Variants in HDAC9 observed in about 807,000 individuals in gnomAD.
HDAC9 encodes the protein MEF-2 interacting transcription repressor (MITR) protein.
A neutral mutation model predicts 139.4 loss-of-function variants in HDAC9; 41 were observed. The ratio of observed to expected loss-of-function variants is 0.29; its 90% CI spans 0.23 to 0.38. The LOEUF (loss-of-function observed/expected upper bound fraction) is 0.38, where lower values mean the gene tolerates loss of function less well. Ranked by LOEUF, HDAC9 falls within the 10% of genes least tolerant of loss-of-function variation. The pLI is 1.00. For synonymous variants in HDAC9, 517 were observed against 476.2 expected (o/e 1.09, Z -1.12); for missense variants, 1,147 against 1,297.0 (o/e 0.88, Z 1.78).
At chr7:18,937,302 T>A (rs1781712728) in intron 23 of HDAC9, among the ~76,000 whole-genome samples, 1 of 152,094 alleles carries the variant, frequency 6.6e-6, no homozygotes, top group Admixed American at 6.6e-5. Context: ...CCTCCCAAAG[T>A]GCTGGAATTA....
At chr7:18,624,824 G>T (rs1289617081) in intron 6 of HDAC9, among the ~76,000 whole-genome samples, 1 of 151,798 alleles carries the variant, frequency 6.6e-6, no homozygotes, top group African/African-American at 2.4e-5. Context: ...GCATTGCCAG[G>T]ACTAAATGAT....
intron 1 of HDAC9, among the ~76,000 whole-genome samples, chr7:18,309,249 A>G (rs564330572): frequency 6.6e-6 from 1 of 152,254 alleles, no homozygotes; most frequent in Admixed American, 6.5e-5. Context: ...GGACTTTCTA[A>G]TGAGACCTTG....
chr7:18,571,630 AT>A (rs78584198), intron 2 of HDAC9, among the ~76,000 whole-genome samples: 100 of 145,438 alleles, frequency 6.9e-4, no homozygotes, highest in South Asian at 1.7e-3. Context: ...TTTATTTTTT[AT>A]TTTTTTTTTT....
intron 2 of HDAC9, among the ~76,000 whole-genome samples, chr7:18,514,907 G>A (rs565799375): frequency 1.1e-4 from 16 of 152,178 alleles, no homozygotes; most frequent in African/African-American, 2.9e-4. Flanking sequence ...TGATCATGCC[G>A]CTGCACTCTA....
chr7:18,892,555 C>G (rs2129271018), intron 22 of HDAC9: 1 of 152,198 alleles, frequency 6.6e-6, no homozygotes, highest in East Asian at 1.9e-4. Flanking sequence ...CCTCTCTGTC[C>G]TTACCGCTAT....
intron 2 of HDAC9, among the ~76,000 whole-genome samples, chr7:18,509,116 T>A (rs1283113959): frequency 6.6e-6 from 1 of 152,220 alleles, no homozygotes; most frequent in Admixed American, 6.5e-5. Flanking sequence ...TAGGGAACAA[T>A]GGTGGATACA....
chr7:18,314,191 G>T (rs373849256), intron 1 of HDAC9, among the ~76,000 whole-genome samples: 2 of 152,178 alleles, frequency 1.3e-5, no homozygotes, highest in African/African-American at 4.8e-5. Context: ...TGAGACAGAA[G>T]GGAGGGATAT....
intron 1 of HDAC9, among the ~76,000 whole-genome samples, chr7:18,118,969 G>T (rs1784194161): frequency 6.6e-6 from 1 of 152,114 alleles, no homozygotes; most frequent in Non-Finnish European, 1.5e-5. Flanking sequence ...GTCAGCATGG[G>T]GATATCAGAG....
At chr7:18,788,176 G>A (rs1791983097) in intron 16 of HDAC9, among the ~76,000 whole-genome samples, 3 of 152,086 alleles carry the variant, frequency 2.0e-5, no homozygotes, top group African/African-American at 7.2e-5. Context: ...AGCTTGGCAG[G>A]GTTCCCGGGC....
chr7:18,809,472 A>T (rs1221845708), intron 17 of HDAC9, among the ~76,000 whole-genome samples: 2 of 152,060 alleles, frequency 1.3e-5, no homozygotes, highest in African/African-American at 4.8e-5. Context: ...TATATAAGAA[A>T]TTCATACAAC....
intron 21 of HDAC9, among the ~76,000 whole-genome samples, chr7:18,844,322 C>T (rs1796775448): frequency 6.6e-6 from 1 of 152,022 alleles, no homozygotes; most frequent in Non-Finnish European, 1.5e-5. Flanking sequence ...AAAGACTTAC[C>T]AAAATGGCAT....
intron 16 of HDAC9, among the ~76,000 whole-genome samples, chr7:18,788,881 C>T (rs1328518048): frequency 1.3e-5 from 2 of 152,094 alleles, no homozygotes; most frequent in African/African-American, 2.4e-5. Flanking sequence ...TTGTTTGTGC[C>T]GCACCCCTTG....
chr7:18,367,272 A>G (rs1784256739), intron 1 of HDAC9, among the ~76,000 whole-genome samples: 1 of 152,110 alleles, frequency 6.6e-6, no homozygotes, highest in Non-Finnish European at 1.5e-5. Context: ...ATAAATGTAC[A>G]AATCAAGCTG....
At chr7:18,993,834 A>G (rs989729319) in intron 25 of HDAC9, among the ~76,000 whole-genome samples, 3 of 152,140 alleles carry the variant, frequency 2.0e-5, no homozygotes, top group African/African-American at 7.2e-5. Context: ...AGAGCGAGAG[A>G]GAGAATTGGT....
At chr7:18,585,023 C>T (rs1029111038) in intron 2 of HDAC9, among the ~76,000 whole-genome samples, 18 of 151,954 alleles carry the variant, frequency 1.2e-4, no homozygotes, top group Non-Finnish European at 1.8e-4. Context: ...CAATTGAAGT[C>T]ACCTGTTTGT....
chr7:18,416,254 C>T (rs1789049816), intron 1 of HDAC9, among the ~76,000 whole-genome samples: 1 of 151,966 alleles, frequency 6.6e-6, no homozygotes, highest in Non-Finnish European at 1.5e-5. Flanking sequence ...CGAGATCGTG[C>T]CATTATACTC....
intron 22 of HDAC9, among the ~76,000 whole-genome samples, chr7:18,904,495 G>GCTTATTTAT (rs1419289194): frequency 6.6e-6 from 1 of 151,290 alleles, no homozygotes; most frequent in East Asian, 1.9e-4. Flanking sequence ...TATTGCATTG[G>GCTTATTTAT]CTTATTTATC....
At chr7:18,462,053 A>G (rs1793896073) in intron 1 of HDAC9, among the ~76,000 whole-genome samples, 1 of 152,112 alleles carries the variant, frequency 6.6e-6, no homozygotes. Flanking sequence ...ATCATGTAAT[A>G]CTATCTATCT....
intron 2 of HDAC9, among the ~76,000 whole-genome samples, chr7:18,513,144 GC>G (rs1802073835): frequency 6.6e-6 from 1 of 152,164 alleles, no homozygotes. Flanking sequence ...ATCCAGTTAT[GC>G]AGGTTACAAT....
Sources: gnomAD v4.1 joint callset for allele counts (sites outside exome capture counted in the v4.1 genomes callset) on GRCh38, gnomAD v4.1.1 for gene constraint, MANE v1.5 for transcripts, NCBI Gene and HGNC (gene_info 2026-07-23, HGNC 2026-07-21) for gene names.